Variants in ACTR3C observed in about 807,000 individuals in gnomAD.
ACTR3C encodes actin related protein 3C, also known as actin-related protein 3C.
Under a neutral mutation model 26.3 loss-of-function variants are expected in ACTR3C, and 18 were observed. That is an observed-to-expected ratio of 0.68 (90% CI 0.47 to 1.01). ACTR3C has a LOEUF of 1.01. Among genes scored for constraint, ACTR3C ranks in the 50% least tolerant of loss-of-function variants. ACTR3C has a pLI of 0.00. For missense variants in ACTR3C, 184 were observed against 250.7 expected, an observed-to-expected ratio of 0.73 and a Z score of 1.80; for synonymous variants, 55 against 94.5, an observed-to-expected ratio of 0.58 and a Z score of 2.42.
At chr7:149,945,570 G>T in the ACTR3C span, among the ~76,000 whole-genome samples, 2 of 152,162 alleles carry the variant, frequency 1.3e-5, 1 homozygote, top group Admixed American at 1.3e-4. Flanking sequence ...GGAACAGAAA[G>T]CCCGCAGCTC....
the ACTR3C span, among the ~76,000 whole-genome samples, chr7:150,006,697 C>T: frequency 1.3e-5 from 2 of 151,788 alleles, no homozygotes; most frequent in African/African-American, 4.8e-5. Context: ...GGACCAGAAG[C>T]AGCAAGTCCA....
At position 150,256,490 on chromosome 7, in the gene ACTR3C, G is replaced by C. The variant is rs114783238; in HGVS notation, c.565-7436C>G. ...CTAACTGATGTGAGAACTGATGTCAGATGTTAACACAGGAACAGAAAACCA... is the reference window on the plus strand; with the variant it reads ...CTAACTGATGTGAGAACTGATGTCACATGTTAACACAGGAACAGAAAACCA... On this transcript the variant is annotated intron_variant, in intron 6 of 7. Coordinates refer to ENST00000683684, the MANE Select transcript of ACTR3C (RefSeq NM_001164458.2). 5.4e-3 allele frequency among the ~76,000 whole-genome samples: 826 copies of C among 152,324 alleles called. 6 individuals are homozygous for C. The highest frequency in any genetic ancestry group is 0.019 in the African/African-American group (777 of 41,568).
At chr7:150,136,268 A>T in the ACTR3C span, among the ~76,000 whole-genome samples, 3 of 152,190 alleles carry the variant, frequency 2.0e-5, no homozygotes, top group Non-Finnish European at 4.4e-5. Flanking sequence ...GCGTCTCCAG[A>T]ACCTGTGGTA....
At chr7:150,011,015 G>A in the ACTR3C span, among the ~76,000 whole-genome samples, 291 of 146,586 alleles carry the variant, frequency 2.0e-3, 1 homozygote, top group African/African-American at 7.2e-3. Context: ...TCGGCATGCT[G>A]TGTTTTCCTC....
the ACTR3C span, among the ~76,000 whole-genome samples, chr7:150,094,028 A>G: frequency 6.6e-6 from 1 of 150,508 alleles, no homozygotes; most frequent in Non-Finnish European, 1.5e-5. Flanking sequence ...GAGCACAGAT[A>G]GGTAAAATAA....
intron 6 of ACTR3C, among the ~76,000 whole-genome samples, chr7:150,259,615 C>A (rs1249540630): frequency 6.6e-6 from 1 of 152,184 alleles, no homozygotes; most frequent in Non-Finnish European, 1.5e-5. Flanking sequence ...ATTTCATGGT[C>A]TGGATGAGCT....
At chr7:149,977,783 C>T in the ACTR3C span, among the ~76,000 whole-genome samples, 1 of 152,236 alleles carries the variant, frequency 6.6e-6, no homozygotes, top group Non-Finnish European at 1.5e-5. Context: ...CTCATCTGCT[C>T]ATCTGGTAAA....
the ACTR3C span, among the ~76,000 whole-genome samples, chr7:150,015,005 A>G: frequency 6.6e-6 from 1 of 152,224 alleles, no homozygotes; most frequent in Non-Finnish European, 1.5e-5. Flanking sequence ...GGAGAATAAC[A>G]AAACAACCCC....
At chr7:150,026,498 C>A in the ACTR3C span, among the ~76,000 whole-genome samples, 629 of 152,024 alleles carry the variant, frequency 4.1e-3, 16 homozygotes, top group African/African-American at 0.015. Context: ...TACAGTTCAT[C>A]TGGCAATTTC....
At chr7:150,064,644 T>TCA in the ACTR3C span, among the ~76,000 whole-genome samples, 1,095 of 99,460 alleles carry the variant, frequency 0.011, 17 homozygotes, top group East Asian at 0.073. Flanking sequence ...TTGTTTATTT[T>TCA]CACATACACA....
the ACTR3C span, among the ~76,000 whole-genome samples, chr7:150,119,619 C>T: frequency 6.6e-6 from 1 of 152,064 alleles, no homozygotes; most frequent in African/African-American, 2.4e-5. Context: ...ACTTAGACTC[C>T]CACAAAATAA....
rs948135809 is a variant in ACTR3C at position 150,274,428 on chromosome 7, G to A, written c.564+10325C>T. Reference sequence around the variant, plus strand: ...TTATACACTTAAACCATAATATAGTGCAAACATAGCCTTCATGTGCACCAG... The same window carrying A: ...TTATACACTTAAACCATAATATAGTACAAACATAGCCTTCATGTGCACCAG... On this transcript the variant is annotated intron_variant, in intron 6 of 7. Transcript: ENST00000683684. The surrounding 1 kb of genome is among the most constrained non-coding windows in gnomAD (Gnocchi z 4.1). Among the ~76,000 whole-genome samples the A allele has an allele frequency of 1.3e-5, 2 of 152,156 alleles. No individual in the cohort carries two copies. Among genetic ancestry groups the A allele is most frequent in the African/African-American group, 4.8e-5 (2 of 41,420 alleles).
intron 3 of ACTR3C, 131 bp from the exon 4 acceptor site, chr7:150,289,724 C>A: frequency 1.3e-6 from 2 of 1,491,546 alleles, no homozygotes; most frequent in Non-Finnish European, 1.8e-6. Flanking sequence ...GACAGAATCC[C>A]CACCCTCTGC....
At chr7:149,885,117 C>T in the ACTR3C span, among the ~76,000 whole-genome samples, 1 of 152,158 alleles carries the variant, frequency 6.6e-6, no homozygotes, top group Non-Finnish European at 1.5e-5. Context: ...AACCCCTCTC[C>T]CTGCTCCTGG....
At chr7:149,915,658 G>T in the ACTR3C span, among the ~76,000 whole-genome samples, 5 of 151,314 alleles carry the variant, frequency 3.3e-5, no homozygotes, top group Non-Finnish European at 7.4e-5. Flanking sequence ...ACTGAAGGTG[G>T]TGGTAAATTA....
the ACTR3C span, among the ~76,000 whole-genome samples, chr7:150,058,339 ATGGCCAACCTTTCAT>A: frequency 6.6e-6 from 1 of 152,318 alleles, no homozygotes; most frequent in African/African-American, 2.4e-5. Flanking sequence ...ACCTGCTTGT[ATGGCCAACCTTTCAT>A]TGGTTGCCCC....
At chr7:150,037,548 CT>C in the ACTR3C span, among the ~76,000 whole-genome samples, 3 of 54,792 alleles carry the variant, frequency 5.5e-5, no homozygotes, top group Admixed American at 2.0e-4. Flanking sequence ...GTGCCTCCCC[CT>C]CGTGCGATGG....
intron 3 of ACTR3C, among the ~76,000 whole-genome samples, chr7:150,291,728 G>A (rs1224916373): frequency 3.9e-5 from 6 of 151,908 alleles, no homozygotes; most frequent in African/African-American, 1.5e-4. Context: ...GCCTACGGGG[G>A]CCTCATCTTG....
the ACTR3C span, among the ~76,000 whole-genome samples, chr7:150,128,705 C>A: frequency 1.3e-5 from 2 of 151,298 alleles, no homozygotes; most frequent in East Asian, 1.9e-4. Flanking sequence ...TGATAGTAAA[C>A]CTATAGATTT....
Sources: allele counts gnomAD v4.1 joint callset (sites outside exome capture counted in the v4.1 genomes callset), GRCh38; gene constraint gnomAD v4.1.1; non-coding constraint Gnocchi (gnomAD v3.1); transcripts MANE v1.5; gene names NCBI Gene and HGNC (gene_info 2026-07-23, HGNC 2026-07-21).